Variants in XPR1 observed in about 807,000 individuals in gnomAD.
XPR1 encodes the protein solute carrier family 53 member 1.
In XPR1, 28 loss-of-function variants were observed where a neutral mutation model predicts 87.5. The ratio of observed to expected loss-of-function variants is 0.32; its 90% CI spans 0.24 to 0.44. The LOEUF (loss-of-function observed/expected upper bound fraction) is 0.44, where lower values mean the gene tolerates loss of function less well. Among genes scored for constraint, XPR1 ranks in the 20% least tolerant of loss-of-function variants. The pLI is 1.00. For synonymous variants in XPR1, 300 were observed against 306.1 expected (o/e 0.98, Z 0.21); for missense variants, 559 against 862.3 (o/e 0.65, Z 4.41).
At chr1:180,851,308 C>G (rs112287160) in intron 11 of XPR1, among the ~76,000 whole-genome samples, 2,361 of 152,168 alleles carry the variant, frequency 0.016, 32 homozygotes, top group Middle Eastern at 0.037. Context: ...ATGCTGATAT[C>G]CATTTACAAA....
intron 14 of XPR1, among the ~76,000 whole-genome samples, chr1:180,883,429 C>T (rs936478076): frequency 1.3e-5 from 2 of 152,042 alleles, no homozygotes; most frequent in Non-Finnish European, 2.9e-5. Context: ...AGTCAGGTGG[C>T]CAGGTGCAGT....
At chr1:180,659,369 GTCCGTCCTTCCGTCCTTCCT>G (rs1655673837) in intron 1 of XPR1, among the ~76,000 whole-genome samples, 1 of 60,570 alleles carries the variant, frequency 1.7e-5, no homozygotes, top group Non-Finnish European at 3.1e-5. Context: ...CCGTCCTTCC[GTCCGTCCTTCCGTCCTTCCT>G]TCCTTCCTTC....
intron 1 of XPR1, among the ~76,000 whole-genome samples, chr1:180,647,108 C>T (rs773118931): frequency 1.6e-4 from 24 of 152,252 alleles, no homozygotes; most frequent in Non-Finnish European, 2.4e-4. Flanking sequence ...GGAGCAGCAA[C>T]CTAGATCCCT....
chr1:180,740,179 T>G (rs1426938438), intron 2 of XPR1, among the ~76,000 whole-genome samples: 1 of 152,224 alleles, frequency 6.6e-6, no homozygotes, highest in Admixed American at 6.5e-5. Flanking sequence ...TCTTATATTA[T>G]TGCACTGACC....
intron 1 of XPR1, among the ~76,000 whole-genome samples, chr1:180,654,951 T>C (rs1260510583): frequency 6.6e-6 from 1 of 152,188 alleles, no homozygotes; most frequent in Non-Finnish European, 1.5e-5. Flanking sequence ...GAAGTATAAT[T>C]ACTAGATCTT....
intron 11 of XPR1, among the ~76,000 whole-genome samples, chr1:180,851,410 T>A (rs1046008899): frequency 6.6e-6 from 1 of 152,176 alleles, no homozygotes; most frequent in Non-Finnish European, 1.5e-5. Flanking sequence ...TCAGACAGAA[T>A]TTATTTGTGT....
chr1:180,728,459 T>C (rs1332331615), intron 2 of XPR1, among the ~76,000 whole-genome samples: 1 of 152,222 alleles, frequency 6.6e-6, no homozygotes, highest in East Asian at 1.9e-4. Flanking sequence ...ATATTTATCC[T>C]CAAAGTCAGT....
intron 2 of XPR1, among the ~76,000 whole-genome samples, chr1:180,702,911 T>C (rs1002156702): frequency 6.6e-6 from 1 of 152,332 alleles, no homozygotes; most frequent in East Asian, 1.9e-4. Context: ...CAGTCACTTC[T>C]TCCAATTTTA....
At chr1:180,706,619 T>G (rs1297523854) in intron 2 of XPR1, among the ~76,000 whole-genome samples, 1 of 152,156 alleles carries the variant, frequency 6.6e-6, no homozygotes, top group South Asian at 2.1e-4. Flanking sequence ...AAGCTTTTTT[T>G]TTTTTTCCCC....
intron 2 of XPR1, among the ~76,000 whole-genome samples, chr1:180,759,921 C>T (rs925176268): frequency 1.1e-4 from 16 of 152,190 alleles, no homozygotes; most frequent in Non-Finnish European, 5.9e-5. Flanking sequence ...CCACCATGAT[C>T]AAGTGGGCTT....
Position 180,803,299 on chromosome 1 carries a change from A to G in XPR1, c.224-89A>G, listed in dbSNP as rs12075809. 9.1e-3 allele frequency: 11,089 copies of G among 1,220,152 alleles called. 790 individuals are homozygous for G. In the African/African-American group the frequency reaches 0.15, roughly 16 times the overall value. The allele number at this position is 1,220,152 out of a possible 1,614,324, so 75.6% of individuals were successfully genotyped here. A position where few individuals can be genotyped will look rare whatever the true frequency, so the allele number is the denominator to read the frequency against. ...TAACGGTTTTCTTCTAGAAATTCTA[A>G]GGGAGCAAATGGGAATTATTAAAAA... On this transcript the variant is annotated intron_variant, in intron 3 of 14. Coordinates refer to ENST00000367590, the MANE Select transcript of XPR1 (RefSeq NM_004736.4).
chr1:180,807,125 C>G (rs146299202), intron 6 of XPR1, among the ~76,000 whole-genome samples: 1 of 152,174 alleles, frequency 6.6e-6, no homozygotes, highest in Non-Finnish European at 1.5e-5. Flanking sequence ...ATGGTAAACA[C>G]TGCATGCTTT....
intron 2 of XPR1, among the ~76,000 whole-genome samples, chr1:180,725,105 A>C (rs971159555): frequency 1.3e-5 from 2 of 152,200 alleles, no homozygotes; most frequent in Non-Finnish European, 1.5e-5. Flanking sequence ...GTACACATTC[A>C]AAGTGTAAGT....
At chr1:180,774,472 G>A (rs1571825346) in intron 2 of XPR1, among the ~76,000 whole-genome samples, 1 of 140,996 alleles carries the variant, frequency 7.1e-6, no homozygotes, top group Admixed American at 7.7e-5. Flanking sequence ...CTCACTGCAA[G>A]CTCCGCCTCC....
intron 11 of XPR1, among the ~76,000 whole-genome samples, chr1:180,843,223 T>C: frequency 6.6e-6 from 1 of 152,200 alleles, no homozygotes; most frequent in Non-Finnish European, 1.5e-5. Context: ...AGTCTTCTTA[T>C]GCTATAATAG....
At chr1:180,776,165 A>T (rs1648707481) in intron 2 of XPR1, among the ~76,000 whole-genome samples, 1 of 151,180 alleles carries the variant, frequency 6.6e-6, no homozygotes, top group African/African-American at 2.4e-5. Flanking sequence ...AGAAGACTTA[A>T]TTGTAAGCTT....
chr1:180,684,748 C>T (rs1557955964), intron 2 of XPR1, among the ~76,000 whole-genome samples: 1 of 152,122 alleles, frequency 6.6e-6, no homozygotes, highest in Admixed American at 6.6e-5. Flanking sequence ...CTCTTTGAAG[C>T]AATGGTGAAT....
intron 2 of XPR1, among the ~76,000 whole-genome samples, chr1:180,739,929 C>G (rs1658862319): frequency 6.6e-6 from 1 of 152,080 alleles, no homozygotes; most frequent in African/African-American, 2.4e-5. Flanking sequence ...CCAGGCTGGT[C>G]TGGAACTCCT....
At chr1:180,852,837 C>T (rs1476355753) in intron 11 of XPR1, among the ~76,000 whole-genome samples, 1 of 152,150 alleles carries the variant, frequency 6.6e-6, no homozygotes, top group Non-Finnish European at 1.5e-5. Flanking sequence ...TTCCACATAA[C>T]TTATTACAGT....
Sources: gnomAD v4.1 joint callset for allele counts (sites outside exome capture counted in the v4.1 genomes callset) on GRCh38, gnomAD v4.1.1 for gene constraint, MANE v1.5 for transcripts, NCBI Gene and HGNC (gene_info 2026-07-23, HGNC 2026-07-21) for gene names.